The following TTC39B variants were observed in gnomAD, a reference collection of about 807,000 sequenced individuals.
The protein encoded by TTC39B is tetratricopeptide repeat domain 39B.
Under a neutral mutation model 96.6 loss-of-function variants are expected in TTC39B, and 92 were observed. The observed-to-expected ratio is 0.95, with a 90% CI of 0.80 to 1.13. The LOEUF (loss-of-function observed/expected upper bound fraction) is 1.13. Among genes scored for constraint, TTC39B ranks in the 50% most tolerant of loss-of-function variants. The pLI is 0.00. For synonymous variants in TTC39B, 367 were observed against 299.4 expected (o/e 1.23, Z -2.33); for missense variants, 955 against 809.3 (o/e 1.18, Z -2.18).
chr9:15,164,575 AT>A (rs1305303284), exon 20 of TTC39B: 2 of 152,228 alleles, frequency 1.3e-5, no homozygotes, highest in East Asian at 3.8e-4. Flanking sequence ...TAATAAAAAA[AT>A]ACTTCTCATT....
chr9:15,304,938 A>G (rs1341618176), intron 1 of TTC39B, among the ~76,000 whole-genome samples: 2 of 152,050 alleles, frequency 1.3e-5, no homozygotes, highest in African/African-American at 4.8e-5. Context: ...CTAACCTGGT[A>G]CTTTTCCAAC....
chr9:15,214,342 GTGTGTC>G lies in TTC39B; in HGVS notation c.372-99_372-94del, dbSNP rs796760922. 1,963 of 755,910 alleles carry G rather than the reference GTGTGTC, an allele frequency of 2.6e-3. 10 individuals are homozygous for G. Among genetic ancestry groups the G allele is most frequent in the African/African-American group, 0.017 (913 of 53,282 alleles). 46.8% of individuals were successfully genotyped at this position (755,910 alleles called of 1,614,324 possible). A position where few individuals can be genotyped will look rare whatever the true frequency, so the allele number is the denominator to read the frequency against. The stretch of plus-strand genomic sequence containing the variant: ...TGTGTGTGTGTGTGTGTGTGTGTGT[GTGTGTC>G]TGTGTGTGTGTGTCTGTGTGTGTGT... On this transcript the variant is annotated intron_variant, in intron 3 of 19. Coordinates refer to ENST00000512701, the Ensembl canonical transcript of TTC39B.
intron 8 of TTC39B, among the ~76,000 whole-genome samples, chr9:15,195,815 C>G (rs1819133565): frequency 6.6e-6 from 1 of 152,098 alleles, no homozygotes; most frequent in South Asian, 2.1e-4. Context: ...GACAAAATGG[C>G]CTTCTATTGG....
chr9:15,263,087 C>T (rs1823001845), intron 2 of TTC39B, among the ~76,000 whole-genome samples: 1 of 152,076 alleles, frequency 6.6e-6, no homozygotes. Context: ...ACTAGAAGTC[C>T]ATTACTTCTC....
At chr9:15,207,749 G>T (rs966577475) in intron 6 of TTC39B, among the ~76,000 whole-genome samples, 1 of 151,862 alleles carries the variant, frequency 6.6e-6, no homozygotes, top group African/African-American at 2.4e-5. Context: ...ACTTCGGGAG[G>T]CTGAGGCGGG....
intron 1 of TTC39B, among the ~76,000 whole-genome samples, chr9:15,292,873 A>C (rs1343059759): frequency 6.6e-6 from 1 of 152,260 alleles, no homozygotes; most frequent in Non-Finnish European, 1.5e-5. Context: ...TTAAAAGTTC[A>C]TAAAGCAAAA....
chr9:15,264,143 A>G (rs1488727207), intron 2 of TTC39B, among the ~76,000 whole-genome samples: 1 of 152,184 alleles, frequency 6.6e-6, no homozygotes, highest in Non-Finnish European at 1.5e-5. Flanking sequence ...ACTATAACAG[A>G]GTTGACAGTA....
chr9:15,211,386 C>G (rs1820192111), exon 5 of TTC39B: 3 of 1,554,822 alleles, frequency 1.9e-6, no homozygotes, highest in South Asian at 1.2e-5. Context: ...ATGGTACATA[C>G]TCTCCTTAGC....
At chr9:15,247,510 C>T (rs774703586) in intron 2 of TTC39B, among the ~76,000 whole-genome samples, 1 of 152,074 alleles carries the variant, frequency 6.6e-6, no homozygotes, top group Non-Finnish European at 1.5e-5. Flanking sequence ...ACATGGCGGC[C>T]CTATAGGGAA....
chr9:15,287,286 A>G (rs796887680), intron 1 of TTC39B, among the ~76,000 whole-genome samples: 3 of 152,348 alleles, frequency 2.0e-5, no homozygotes, highest in African/African-American at 7.2e-5. Context: ...AGAGAGGGAG[A>G]GAAATCTATA....
At chr9:15,210,731 C>T (rs1820147171) in intron 5 of TTC39B, among the ~76,000 whole-genome samples, 1 of 152,136 alleles carries the variant, frequency 6.6e-6, no homozygotes, top group Admixed American at 6.6e-5. Context: ...ACAAACCAAG[C>T]ATCTTCCATA....
intron 1 of TTC39B, among the ~76,000 whole-genome samples, chr9:15,278,969 T>A (rs193226122): frequency 3.1e-4 from 47 of 152,348 alleles, no homozygotes; most frequent in Admixed American, 2.7e-3. Flanking sequence ...AATGTCCACA[T>A]GAGGAAACTA....
intron 2 of TTC39B, among the ~76,000 whole-genome samples, chr9:15,229,213 C>T (rs1821293496): frequency 6.6e-6 from 1 of 152,160 alleles, no homozygotes; most frequent in Admixed American, 6.5e-5. Flanking sequence ...TGTGTACAGT[C>T]TGAGCTACAT....
At chr9:15,212,470 G>T (rs1210759154) in intron 4 of TTC39B, among the ~76,000 whole-genome samples, 1 of 151,998 alleles carries the variant, frequency 6.6e-6, no homozygotes, top group Non-Finnish European at 1.5e-5. Flanking sequence ...TTGTTGCCCA[G>T]GCTGAAGTAC....
chr9:15,218,635 A>AAAAAAAAAATAT (rs374054306), intron 3 of TTC39B, among the ~76,000 whole-genome samples: 1 of 149,448 alleles, frequency 6.7e-6, no homozygotes, highest in African/African-American at 2.5e-5. Flanking sequence ...GTCTATTTTA[A>AAAAAAAAAATAT]ATATATATAT....
In TTC39B at chr9:15,289,738, G is replaced by A. The variant is rs547713016; in HGVS notation, c.240+17346C>T. Among the ~76,000 whole-genome samples the A allele has an allele frequency of 6.6e-5, 10 of 152,182 alleles. No individual in the cohort carries two copies. In the South Asian group the frequency reaches 8.3e-4, roughly 13 times the overall value. Reference sequence around the variant, plus strand: ...CAGTGATATTTCCTTTTGTTCACTCGTAATGGCTTAGAAATGCAACTGTTT... The same window carrying A: ...CAGTGATATTTCCTTTTGTTCACTCATAATGGCTTAGAAATGCAACTGTTT... On this transcript the variant is annotated intron_variant, in intron 1 of 19. Coordinates refer to ENST00000512701, the Ensembl canonical transcript of TTC39B.
rs764948699 is a variant in TTC39B at position 15,177,740 on chromosome 9, G to A, written c.1798C>T (p.Arg600Trp). ...TAACATAGTTCAGCTTGCAAGGGCC[G>A]CTGTAAGTTCTTGAGGCAACATCCT... The change falls in exon 18 of 20, where the codon CGG (arginine) becomes TGG (tryptophan). Residue 600 changes from arginine (R) to tryptophan (W), a missense_variant. Transcript: ENST00000512701. 43 of 1,612,748 alleles carry A rather than the reference G, an allele frequency of 2.7e-5. No homozygotes were observed. The highest frequency in any genetic ancestry group is 2.0e-4 in the Admixed American group (12 of 59,918).
chr9:15,273,544 G>A (rs1034168386), intron 1 of TTC39B, among the ~76,000 whole-genome samples: 3 of 152,036 alleles, frequency 2.0e-5, no homozygotes, highest in Non-Finnish European at 2.9e-5. Flanking sequence ...TTCTCATAGG[G>A]ATGACTTCAC....
intron 6 of TTC39B, among the ~76,000 whole-genome samples, chr9:15,208,214 G>A (rs982202376): frequency 1.3e-5 from 2 of 151,276 alleles, no homozygotes; most frequent in African/African-American, 4.9e-5. Flanking sequence ...TAGTAGAGAC[G>A]GGGTTTCACC....
Sources: allele counts gnomAD v4.1 joint callset (sites outside exome capture counted in the v4.1 genomes callset), GRCh38; gene constraint gnomAD v4.1.1; transcripts MANE v1.5; gene names NCBI Gene and HGNC (gene_info 2026-07-23, HGNC 2026-07-21).